Variants in RABGAP1L observed in about 807,000 individuals in gnomAD.
The protein encoded by RABGAP1L is RAB GTPase activating protein 1 like.
RABGAP1L carries 63 observed loss-of-function variants against 137.7 expected under a neutral mutation model. That is an observed-to-expected ratio of 0.46 (90% confidence interval 0.37 to 0.56). RABGAP1L has a LOEUF of 0.56. RABGAP1L is among the 20% of genes least tolerant of loss of function. The pLI, the probability that RABGAP1L is intolerant of heterozygous loss-of-function variation, is 0.00. For missense variants in RABGAP1L, 1,095 were observed against 1,244.0 expected (o/e 0.88, Z 1.80); for synonymous variants, 431 against 433.7 (o/e 0.99, Z 0.08).
intron 10 of RABGAP1L, among the ~76,000 whole-genome samples, chr1:174,281,589 G>A (rs1675560614): frequency 6.6e-6 from 1 of 152,164 alleles, no homozygotes; most frequent in South Asian, 2.1e-4. Context: ...TTAATTAGGT[G>A]TAAGTGGGAA....
chr1:174,924,709 C>T (rs756121008), intron 19 of RABGAP1L, among the ~76,000 whole-genome samples: 6 of 152,056 alleles, frequency 3.9e-5, no homozygotes, highest in Non-Finnish European at 7.4e-5. Context: ...TCAACGGGCA[C>T]GATGGTGGCA....
intron 19 of RABGAP1L, among the ~76,000 whole-genome samples, chr1:174,890,145 C>T (rs998844587): frequency 2.0e-5 from 3 of 152,190 alleles, no homozygotes; most frequent in African/African-American, 7.2e-5. Flanking sequence ...CTCCTACGTG[C>T]ATAGCACTGT....
At chr1:174,700,921 T>C (rs1679598718) in intron 16 of RABGAP1L, 1 of 397,286 alleles carries the variant, frequency 2.5e-6, no homozygotes, top group Non-Finnish European at 4.3e-6. Flanking sequence ...AAATAACAGA[T>C]GTGTGGTACT....
chr1:174,814,782 A>G (rs1690215888), intron 19 of RABGAP1L, among the ~76,000 whole-genome samples: 1 of 151,540 alleles, frequency 6.6e-6, no homozygotes, highest in Non-Finnish European at 1.5e-5. Context: ...GCAACCTCCC[A>G]GGTTCAAGCA....
chr1:174,290,726 C>T (rs971464135), intron 10 of RABGAP1L, among the ~76,000 whole-genome samples: 11 of 150,308 alleles, frequency 7.3e-5, no homozygotes, highest in Admixed American at 2.0e-4. Context: ...GCCATATTTC[C>T]CGCAACTTTG....
rs1652994776 is a variant in RABGAP1L, at chr1:174,434,152, C to CA, written c.1710+40007_1710+40008insA. Among the ~76,000 whole-genome samples the CA allele has an allele frequency of 6.2e-5, 9 of 146,082 alleles. No homozygotes were observed. The Admixed American group carries it at 6.2e-4, about 10-fold the overall frequency. ...ACACACACACACACACACACACACACCCTGCCTGGGGCAACTAGGGTTCTG... is the reference window on the plus strand; with the variant it reads ...ACACACACACACACACACACACACACACCTGCCTGGGGCAACTAGGGTTCTG... On this transcript the variant is annotated intron_variant, in intron 13 of 25. Transcript: ENST00000681986.
intron 10 of RABGAP1L, among the ~76,000 whole-genome samples, chr1:174,280,705 C>T (rs1675446754): frequency 6.6e-6 from 1 of 152,166 alleles, no homozygotes; most frequent in African/African-American, 2.4e-5. Context: ...GAGCACTTAA[C>T]AAGAGGATGG....
intron 5 of RABGAP1L, among the ~76,000 whole-genome samples, chr1:174,248,106 A>G (rs762233643): frequency 4.6e-5 from 7 of 152,186 alleles, no homozygotes; most frequent in Non-Finnish European, 1.0e-4. Context: ...TATTTCTAGC[A>G]TATTCTTTGG....
At chr1:174,792,787 A>G (rs187841809) in intron 18 of RABGAP1L, among the ~76,000 whole-genome samples, 130 of 152,326 alleles carry the variant, frequency 8.5e-4, no homozygotes, top group Middle Eastern at 6.8e-3. Context: ...CCTTTCCTAA[A>G]TGTCCAGTAA....
At chr1:174,517,525 T>G (rs1416527337) in intron 13 of RABGAP1L, among the ~76,000 whole-genome samples, 1 of 152,142 alleles carries the variant, frequency 6.6e-6, no homozygotes, top group Non-Finnish European at 1.5e-5. Flanking sequence ...AAGGGAAGTT[T>G]AAAAAATGCC....
intron 11 of RABGAP1L, among the ~76,000 whole-genome samples, chr1:174,316,586 C>T (rs1471332956): frequency 6.6e-6 from 1 of 152,146 alleles, no homozygotes; most frequent in Admixed American, 6.5e-5. Context: ...TTCTCCCAAA[C>T]AAACATTCTC....
intron 4 of RABGAP1L, among the ~76,000 whole-genome samples, chr1:174,239,449 C>T (rs1338252787): frequency 6.6e-6 from 1 of 152,160 alleles, no homozygotes; most frequent in Non-Finnish European, 1.5e-5. Flanking sequence ...TCTTTATACT[C>T]CCTAAGTAAA....
chr1:174,824,553 G>T (rs2183202), intron 19 of RABGAP1L, among the ~76,000 whole-genome samples: 31,763 of 151,942 alleles, frequency 0.21, 3,645 homozygotes, highest in Admixed American at 0.25. Flanking sequence ...GTTACATTAG[G>T]AAGGTTGGGC....
intron 7 of RABGAP1L, among the ~76,000 whole-genome samples, chr1:174,268,801 A>C (rs1308060599): frequency 1.3e-5 from 2 of 152,196 alleles, no homozygotes. Context: ...TTCTATTTTG[A>C]GTAAACACTA....
chr1:174,771,702 T>C (rs1188088844), intron 18 of RABGAP1L, among the ~76,000 whole-genome samples: 1 of 152,240 alleles, frequency 6.6e-6, no homozygotes, highest in Non-Finnish European at 1.5e-5. Flanking sequence ...CAGGTATTTC[T>C]AGATATCCAA....
At chr1:174,898,452 A>G (rs1558206717) in intron 19 of RABGAP1L, among the ~76,000 whole-genome samples, 1 of 152,220 alleles carries the variant, frequency 6.6e-6, no homozygotes, top group Non-Finnish European at 1.5e-5. Context: ...GATGATCAGA[A>G]TCTGAACTTT....
intron 18 of RABGAP1L, among the ~76,000 whole-genome samples, chr1:174,757,871 A>G (rs996714837): frequency 1.3e-5 from 2 of 152,098 alleles, no homozygotes; most frequent in African/African-American, 4.8e-5. Context: ...TAAAAATACA[A>G]AAAACGCCAG....
At chr1:174,720,249 G>T (rs1235296263) in intron 17 of RABGAP1L, among the ~76,000 whole-genome samples, 1 of 143,728 alleles carries the variant, frequency 7.0e-6, no homozygotes, top group African/African-American at 2.7e-5. Flanking sequence ...CTAGCTAGAT[G>T]TAGATAGATA....
rs1341368835 is a variant in RABGAP1L at position 174,250,516 on chromosome 1, T to C, written c.759T>C (p.Arg253=). 6.2e-7 allele frequency: 1 copy of C among 1,613,542 alleles called. No individual in the cohort carries two copies. Among genetic ancestry groups the C allele is most frequent in the Non-Finnish European group, 8.5e-7 (1 of 1,179,676 alleles). ...ACAGTTTCTGTACAGCATTCAAACGTTCTTCCAGACAAGTGTCTGATGTTA... is the reference window on the plus strand; with the variant it reads ...ACAGTTTCTGTACAGCATTCAAACGCTCTTCCAGACAAGTGTCTGATGTTA... The part of the protein sequence containing the change: ...ILYSFCTAFK[R]SSRQVSDVKD... Residue 253 remains arginine, a synonymous_variant, in exon 6 of 26, where the codon CGT becomes CGC. Transcript: ENST00000681986.
Sources: gnomAD v4.1 joint callset for allele counts (sites outside exome capture counted in the v4.1 genomes callset) on GRCh38, gnomAD v4.1.1 for gene constraint, MANE v1.5 for transcripts, NCBI Gene and HGNC (gene_info 2026-07-23, HGNC 2026-07-21) for gene names.